KITLG: variants seen among roughly 807,000 people sequenced by gnomAD.
KITLG encodes c-Kit ligand.
In KITLG, 13 loss-of-function variants were observed where a neutral mutation model predicts 34.1. The ratio of observed to expected loss-of-function variants is 0.38; its 90% CI spans 0.25 to 0.61. The LOEUF (loss-of-function observed/expected upper bound fraction) is 0.61. Ranked by LOEUF, KITLG falls within the 20% of genes least tolerant of loss-of-function variation. KITLG has a pLI of 0.60. For missense variants in KITLG, 292 were observed against 318.9 expected (o/e 0.92, Z 0.64); for synonymous variants, 110 against 104.0 (o/e 1.06, Z -0.35).
At position 88,495,355 on chromosome 12, in the gene KITLG, C is replaced by G. The variant is rs1402692794; in HGVS notation, c.*1864G>C. 6.6e-6 allele frequency: 1 copy of G among 152,096 alleles called. No individual in the cohort carries two copies. Among genetic ancestry groups the G allele is most frequent in the Non-Finnish European group, 1.5e-5 (1 of 67,944 alleles). 9.4% of individuals were successfully genotyped at this position (152,096 alleles called of 1,614,324 possible). Reference sequence around the variant, plus strand: ...TAATCTGTATCTATTTTCCTGAAAACAGTCAATGCCACACACTGAGACAGG... The same window carrying G: ...TAATCTGTATCTATTTTCCTGAAAAGAGTCAATGCCACACACTGAGACAGG... On this transcript the variant is annotated 3_prime_UTR_variant, in exon 10 of 10. Coordinates refer to ENST00000644744, the MANE Select transcript of KITLG (RefSeq NM_000899.5).
At chr12:88,509,825 T>G (rs7297424) in intron 6 of KITLG, among the ~76,000 whole-genome samples, 1 of 152,162 alleles carries the variant, frequency 6.6e-6, no homozygotes, top group African/African-American at 2.4e-5. Flanking sequence ...GAGATTTGCT[T>G]ATACCTCCAG....
At chr12:88,517,807 G>T (rs746759340) in intron 4 of KITLG, among the ~76,000 whole-genome samples, 6 of 152,124 alleles carry the variant, frequency 3.9e-5, no homozygotes, top group Non-Finnish European at 7.4e-5. Context: ...TGGGATTGAA[G>T]TTGGGTCTTA....
chr12:88,515,180 C>T (rs1252047858), intron 6 of KITLG, among the ~76,000 whole-genome samples: 3 of 151,658 alleles, frequency 2.0e-5, no homozygotes, highest in Non-Finnish European at 4.4e-5. Context: ...TATATGTTAA[C>T]AACCAGCATT....
At chr12:88,567,078 A>G (rs996346440) in intron 1 of KITLG, among the ~76,000 whole-genome samples, 1 of 152,220 alleles carries the variant, frequency 6.6e-6, no homozygotes, top group Non-Finnish European at 1.5e-5. Flanking sequence ...ATTCACAAAA[A>G]TTACACATGT....
At chr12:88,540,798 T>C (rs1286449529) in intron 2 of KITLG, among the ~76,000 whole-genome samples, 1 of 152,166 alleles carries the variant, frequency 6.6e-6, no homozygotes, top group Non-Finnish European at 1.5e-5. Context: ...AGTCCTTTTT[T>C]TAAAATACAA....
intron 2 of KITLG, among the ~76,000 whole-genome samples, chr12:88,535,822 T>C (rs916384079): frequency 1.3e-5 from 2 of 152,110 alleles, no homozygotes; most frequent in African/African-American, 2.4e-5. Flanking sequence ...ATTCAATAAA[T>C]GGTGCTGGGA....
At chr12:88,520,184 A>G (rs1014740232) in intron 3 of KITLG, among the ~76,000 whole-genome samples, 2 of 152,192 alleles carry the variant, frequency 1.3e-5, no homozygotes, top group Non-Finnish European at 2.9e-5. Context: ...TTCTCAAAGA[A>G]TATGTGTTTC....
intron 2 of KITLG, among the ~76,000 whole-genome samples, chr12:88,545,087 ATGTGTTATGCCCACTC>A (rs893543363): frequency 1.2e-4 from 18 of 152,266 alleles, no homozygotes; most frequent in African/African-American, 4.3e-4. Flanking sequence ...TGCATTCCAG[ATGTGTTATGCCCACTC>A]TGTGGCTTGA....
chr12:88,498,881 ACT>A lies in KITLG; in HGVS notation c.*38-1702_*38-1701del, dbSNP rs1042352584. 2.2e-4 allele frequency among the ~76,000 whole-genome samples: 33 copies of A among 152,176 alleles called. 1 individual carries two copies. The highest frequency in any genetic ancestry group is 6.5e-4 in the Admixed American group (10 of 15,284). On this transcript the variant is annotated intron_variant, in intron 9 of 9. Coordinates refer to ENST00000644744, the MANE Select transcript of KITLG (RefSeq NM_000899.5). ...AGAGCAAGACTCTTAAGAAAGAAAG[ACT>A]CTCAAGAAAGAAAGAGAGAGAGAGA...
chr12:88,522,757 A>C (rs1869722081), intron 3 of KITLG, among the ~76,000 whole-genome samples: 1 of 152,160 alleles, frequency 6.6e-6, no homozygotes, highest in Non-Finnish European at 1.5e-5. Flanking sequence ...CAGTCACGGT[A>C]AGATTTACGG....
chr12:88,495,741 T>G lies in KITLG; in HGVS notation c.*1478A>C, dbSNP rs1229393370. The G allele has an allele frequency of 6.6e-6, 1 of 152,332 alleles. No homozygotes were observed. Among genetic ancestry groups the G allele is most frequent in the Non-Finnish European group, 1.5e-5 (1 of 68,024 alleles). The allele number at this position is 152,332 out of a possible 1,614,324, so 9.4% of individuals were successfully genotyped here. A position where few individuals can be genotyped will look rare whatever the true frequency, so the allele number is the denominator to read the frequency against. ...TACATTGAAAACTGTCATCTTACGG[T>G]TGTAGAACATGGCAATAATGTTATC... On this transcript the variant is annotated 3_prime_UTR_variant, in exon 10 of 10. Transcript: ENST00000644744.
chr12:88,510,517 T>G (rs918969709), intron 6 of KITLG, among the ~76,000 whole-genome samples: 1 of 152,190 alleles, frequency 6.6e-6, no homozygotes, highest in Admixed American at 6.6e-5. Flanking sequence ...CCAGGAAGGT[T>G]GGGTCAAGAC....
intron 1 of KITLG, among the ~76,000 whole-genome samples, chr12:88,576,687 A>C (rs1871836682): frequency 6.6e-6 from 1 of 152,192 alleles, no homozygotes; most frequent in South Asian, 2.1e-4. Flanking sequence ...TTCAGAAGCT[A>C]GAACCTAGAA....
chr12:88,566,654 T>G (rs765144651), intron 1 of KITLG, among the ~76,000 whole-genome samples: 1 of 152,132 alleles, frequency 6.6e-6, no homozygotes, highest in African/African-American at 2.4e-5. Context: ...GACGCTGGAA[T>G]GAAACTTACC....
chr12:88,536,994 T>C (rs754616788), intron 2 of KITLG, among the ~76,000 whole-genome samples: 5 of 151,856 alleles, frequency 3.3e-5, no homozygotes, highest in Non-Finnish European at 5.9e-5. Flanking sequence ...TAAAAAAATG[T>C]CAAAAAACAA....
intron 1 of KITLG, among the ~76,000 whole-genome samples, chr12:88,570,763 AT>A (rs1555258155): frequency 2.0e-5 from 3 of 152,176 alleles, no homozygotes; most frequent in South Asian, 2.1e-4. Context: ...GTTAAAAAAA[AT>A]GATGCCAAAT....
intron 1 of KITLG, among the ~76,000 whole-genome samples, chr12:88,559,887 T>C (rs1426116105): frequency 6.6e-6 from 1 of 152,240 alleles, no homozygotes; most frequent in Admixed American, 6.5e-5. Context: ...GACACATTTC[T>C]CTGGTAACAA....
At chr12:88,566,452 T>C (rs1347116787) in intron 1 of KITLG, among the ~76,000 whole-genome samples, 1 of 152,234 alleles carries the variant, frequency 6.6e-6, no homozygotes, top group East Asian at 1.9e-4. Context: ...TGATTGTTTT[T>C]TTAAATGCTA....
At chr12:88,560,825 G>A (rs907776934) in intron 1 of KITLG, among the ~76,000 whole-genome samples, 10 of 151,680 alleles carry the variant, frequency 6.6e-5, no homozygotes, top group South Asian at 2.1e-4. Flanking sequence ...AAAATTAGCC[G>A]GGCATGGTGG....
Sources: gnomAD v4.1 joint callset for allele counts (sites outside exome capture counted in the v4.1 genomes callset) on GRCh38, gnomAD v4.1.1 for gene constraint, MANE v1.5 for transcripts, NCBI Gene and HGNC (gene_info 2026-07-23, HGNC 2026-07-21) for gene names.